The following FBXO4 variants were observed in gnomAD, a reference collection of about 807,000 sequenced individuals.
FBXO4 encodes the protein F-box protein 4, also known as F-box only protein 4.
FBXO4 carries 36 observed loss-of-function variants against 43.7 expected under a neutral mutation model. The ratio of observed to expected loss-of-function variants is 0.82; its 90% CI spans 0.63 to 1.09. The LOEUF (loss-of-function observed/expected upper bound fraction) is 1.09, where lower values mean the gene tolerates loss of function less well. Among genes scored for constraint, FBXO4 ranks in the 50% least tolerant of loss-of-function variants. The probability of loss-of-function intolerance (pLI) is 0.00; values close to 1 mark genes in which losing one functional copy is unlikely to be tolerated. For missense variants in FBXO4, 435 were observed against 474.1 expected (o/e 0.92, Z 0.77); for synonymous variants, 180 against 165.6 (o/e 1.09, Z -0.67).
the FBXO4 span, among the ~76,000 whole-genome samples, chr5:42,029,248 C>T: frequency 6.6e-6 from 1 of 151,966 alleles, no homozygotes; most frequent in African/African-American, 2.4e-5. Flanking sequence ...TCATTCAGCA[C>T]TTTATATACG....
Position 41,941,405 on chromosome 5 carries a change from C to A in FBXO4, c.*124C>A. ...TGCAGATAGGCTTTCATTTGGACAG[C>A]TATAACTGCTGTGTTTTTTATATTA... On this transcript the variant is annotated 3_prime_UTR_variant, in exon 7 of 7. Transcript: ENST00000281623. The A allele has an allele frequency of 1.6e-6, 1 of 629,614 alleles. No individual in the cohort carries two copies. Among genetic ancestry groups the A allele is most frequent in the Non-Finnish European group, 2.8e-6 (1 of 356,136 alleles). 39.0% of individuals were successfully genotyped at this position (629,614 alleles called of 1,614,324 possible). A position where few individuals can be genotyped will look rare whatever the true frequency, so the allele number is the denominator to read the frequency against.
chr5:41,931,734 C>T (rs975911977), intron 3 of FBXO4, among the ~76,000 whole-genome samples: 3 of 152,158 alleles, frequency 2.0e-5, no homozygotes, highest in Admixed American at 1.3e-4. Context: ...ACGGAGTCCA[C>T]ATGGACTTGG....
the FBXO4 span, among the ~76,000 whole-genome samples, chr5:42,035,316 C>T: frequency 1.3e-5 from 2 of 152,020 alleles, no homozygotes; most frequent in Non-Finnish European, 2.9e-5. Context: ...CGCTTTATTT[C>T]TTTCTCTAGC....
At chr5:41,932,280 G>A (rs1579978283) in intron 3 of FBXO4, among the ~76,000 whole-genome samples, 1 of 151,634 alleles carries the variant, frequency 6.6e-6, no homozygotes, top group African/African-American at 2.4e-5. Flanking sequence ...GAAGTTAGAC[G>A]TGTTGAGAGG....
At chr5:41,970,517 T>C in the FBXO4 span, among the ~76,000 whole-genome samples, 2 of 151,960 alleles carry the variant, frequency 1.3e-5, no homozygotes, top group Admixed American at 6.6e-5. Flanking sequence ...GAAATATTAA[T>C]TGGTGTCAAA....
At chr5:42,000,223 G>A in the FBXO4 span, among the ~76,000 whole-genome samples, 23 of 151,924 alleles carry the variant, frequency 1.5e-4, no homozygotes, top group African/African-American at 4.8e-4. Flanking sequence ...CCATTTATTT[G>A]TTGATGGGCA....
At chr5:41,928,777 C>T (rs1384248711) in intron 2 of FBXO4, 2 of 152,352 alleles carry the variant, frequency 1.3e-5, no homozygotes, top group African/African-American at 4.8e-5. Context: ...TTTTCCCCTT[C>T]ATGAGTTACA....
chr5:42,016,297 GC>G, the FBXO4 span, among the ~76,000 whole-genome samples: 1 of 152,028 alleles, frequency 6.6e-6, no homozygotes, highest in South Asian at 2.1e-4. Context: ...TGGGGATGCT[GC>G]AAAGGATTAT....
the FBXO4 span, among the ~76,000 whole-genome samples, chr5:42,006,916 A>ATATATG: frequency 1.4e-5 from 2 of 140,908 alleles, no homozygotes; most frequent in Non-Finnish European, 3.1e-5. Context: ...ATATATATAT[A>ATATATG]TGTATATACA....
the FBXO4 span, chr5:41,967,403 T>G: frequency 1.9e-6 from 1 of 533,230 alleles, no homozygotes; most frequent in Admixed American, 2.1e-5. Flanking sequence ...CTTGGTCATA[T>G]TTGCTGTGAT....
At chr5:42,020,733 C>T in the FBXO4 span, among the ~76,000 whole-genome samples, 6 of 152,274 alleles carry the variant, frequency 3.9e-5, no homozygotes, top group African/African-American at 1.4e-4. Context: ...ACTTATGTCT[C>T]ATGGGCCAGA....
At chr5:41,987,433 T>C in the FBXO4 span, among the ~76,000 whole-genome samples, 3 of 152,254 alleles carry the variant, frequency 2.0e-5, no homozygotes, top group Non-Finnish European at 2.9e-5. Context: ...CTATTTTCAG[T>C]TGGGGTGTTC....
the FBXO4 span, among the ~76,000 whole-genome samples, chr5:42,031,130 A>G: frequency 1.3e-5 from 2 of 152,196 alleles, no homozygotes; most frequent in Non-Finnish European, 2.9e-5. Context: ...AGGATTATAA[A>G]TCATGCTGCT....
the FBXO4 span, among the ~76,000 whole-genome samples, chr5:42,012,637 G>T: frequency 6.6e-6 from 1 of 152,148 alleles, no homozygotes; most frequent in Non-Finnish European, 1.5e-5. Flanking sequence ...TGAACTTCCA[G>T]CAGGGAACAA....
the FBXO4 span, among the ~76,000 whole-genome samples, chr5:42,002,277 A>G: frequency 8.9e-4 from 136 of 152,334 alleles, no homozygotes; most frequent in African/African-American, 3.2e-3. Context: ...GTCGTTGTGC[A>G]CACAAAAAGA....
At chr5:42,023,556 AT>A in the FBXO4 span, among the ~76,000 whole-genome samples, 2 of 151,878 alleles carry the variant, frequency 1.3e-5, no homozygotes, top group African/African-American at 2.4e-5. Context: ...TGAGAAAGTT[AT>A]TTTTTTCCCA....
At chr5:42,007,936 G>A in the FBXO4 span, among the ~76,000 whole-genome samples, 1 of 151,892 alleles carries the variant, frequency 6.6e-6, no homozygotes, top group Non-Finnish European at 1.5e-5. Flanking sequence ...TTTTCATTTG[G>A]GATCATGAGA....
At chr5:42,028,169 T>G in the FBXO4 span, among the ~76,000 whole-genome samples, 4 of 151,898 alleles carry the variant, frequency 2.6e-5, no homozygotes, top group Admixed American at 6.6e-5. Flanking sequence ...TTGGAGTAGC[T>G]CTAATAATAT....
the FBXO4 span, among the ~76,000 whole-genome samples, chr5:41,992,029 G>A: frequency 6.6e-6 from 1 of 152,182 alleles, no homozygotes; most frequent in Admixed American, 6.5e-5. Context: ...GGTGAGCCGA[G>A]ATGGCGCCAT....
Sources: allele counts gnomAD v4.1 joint callset (sites outside exome capture counted in the v4.1 genomes callset), GRCh38; gene constraint gnomAD v4.1.1; transcripts MANE v1.5; gene names NCBI Gene and HGNC (gene_info 2026-07-23, HGNC 2026-07-21).